Variants in ZGPAT observed in about 807,000 individuals in gnomAD.
ZGPAT encodes zinc finger CCCH-type and G-patch domain containing.
A neutral mutation model predicts 47.9 loss-of-function variants in ZGPAT; 39 were observed. That is an observed-to-expected ratio of 0.81 (90% CI 0.63 to 1.06). The LOEUF (loss-of-function observed/expected upper bound fraction) is 1.06. ZGPAT is among the 50% of genes least tolerant of loss of function. ZGPAT has a pLI of 0.00. For synonymous variants in ZGPAT, 348 were observed against 292.9 expected (o/e 1.19, Z -1.92); for missense variants, 717 against 681.4 (o/e 1.05, Z -0.58).
In ZGPAT at chr20:63,709,261, G is replaced by C. The variant is rs1249726811; in HGVS notation, c.584+97G>C. ...GGCCCTCCCTTTGCTTTGCAGTTTT[G>C]TCTCAGCTTCCTGGGGCAGGCGTGC... On this transcript the variant is annotated intron_variant, in intron 2 of 6. Transcript: ENST00000355969. 7 of 1,383,640 alleles carry C rather than the reference G, an allele frequency of 5.1e-6. No homozygotes were observed. The Admixed American group carries it at 8.6e-5, about 17-fold the overall frequency. 85.7% of individuals were successfully genotyped at this position (1,383,640 alleles called of 1,614,324 possible).
chr20:63,724,070 C>A (rs2091817832), intron 2 of ZGPAT, among the ~76,000 whole-genome samples: 2 of 151,780 alleles, frequency 1.3e-5, no homozygotes. Flanking sequence ...CAGATCTTAT[C>A]TCAGAAGTAA....
intron 2 of ZGPAT, among the ~76,000 whole-genome samples, chr20:63,724,964 G>A (rs541286446): frequency 1.4e-5 from 2 of 147,578 alleles, no homozygotes; most frequent in South Asian, 2.2e-4. Context: ...GAGCCACCAC[G>A]CCCAGCCCAT....
chr20:63,717,421 C>T lies in ZGPAT; in HGVS notation c.584+8257C>T, dbSNP rs1031639103. 2.1e-5 allele frequency among the ~76,000 whole-genome samples: 3 copies of T among 143,220 alleles called. No individual in the cohort carries two copies. The Admixed American group carries it at 2.2e-4, about 11-fold the overall frequency. The allele number at this position is 143,220 out of a possible 152,430, so 94.0% of individuals were successfully genotyped here. A position where few individuals can be genotyped will look rare whatever the true frequency, so the allele number is the denominator to read the frequency against. ...CTGGAGTGCAGTGGCATGATCTCAGCTCACTGCAGCCTCCGCCGCCCAGGC... is the reference window on the plus strand; with the variant it reads ...CTGGAGTGCAGTGGCATGATCTCAGTTCACTGCAGCCTCCGCCGCCCAGGC... On this transcript the variant is annotated intron_variant, in intron 2 of 6. Transcript: ENST00000355969.
chr20:63,729,802 C>T (rs2091878692), intron 2 of ZGPAT, among the ~76,000 whole-genome samples: 2 of 152,136 alleles, frequency 1.3e-5, no homozygotes, highest in African/African-American at 2.4e-5. Flanking sequence ...GGAAGGATTA[C>T]ATGAGCCCAG....
chr20:63,735,506 G>A lies in ZGPAT; in HGVS notation c.1339G>A (p.Glu447Lys), dbSNP rs967802990. 2.0e-6 allele frequency: 3 copies of A among 1,532,328 alleles called. No homozygotes were observed. The highest frequency in any genetic ancestry group is 2.2e-5 in the Admixed American group (1 of 45,202). The allele number at this position is 1,532,328 out of a possible 1,614,324, so 94.9% of individuals were successfully genotyped here. ...LRLFQTEEKI[E>K]RTQRDIRSIQ... ...GCTCTTCCAGACTGAGGAGAAGATC[G>A]AGCGAACCCAGCGGGACATCAGGAG... Residue 447 changes from glutamate to lysine, a missense_variant, in exon 6 of 7, where the codon GAG (glutamate) becomes AAG (lysine). Glu to Lys is a moderately conservative substitution (Grantham distance 56, BLOSUM62 1). Coordinates refer to ENST00000355969, the MANE Select transcript of ZGPAT (RefSeq NM_181485.3).
intron 1 of ZGPAT, 28 bp from the exon 2 acceptor site, chr20:63,708,525 G>A (rs2091601969): frequency 1.3e-6 from 2 of 1,501,262 alleles, no homozygotes; most frequent in South Asian, 2.6e-5. Flanking sequence ...CCCGAGACGC[G>A]GGGCTCAGCT....
At chr20:63,722,643 T>A (rs188689248) in intron 2 of ZGPAT, among the ~76,000 whole-genome samples, 6 of 144,468 alleles carry the variant, frequency 4.2e-5, no homozygotes, top group African/African-American at 1.3e-4. Flanking sequence ...AAGTACAGCA[T>A]TTTTTTTTTT....
intron 2 of ZGPAT, among the ~76,000 whole-genome samples, chr20:63,732,826 G>T (rs1197759888): frequency 6.6e-6 from 1 of 152,024 alleles, no homozygotes; most frequent in Admixed American, 6.6e-5. Flanking sequence ...GTGTACTTGT[G>T]TGTGCCTGTG....
At chr20:63,732,843 CAT>C (rs1491384725) in intron 2 of ZGPAT, among the ~76,000 whole-genome samples, 2 of 150,888 alleles carry the variant, frequency 1.3e-5, no homozygotes, top group Admixed American at 6.6e-5. Context: ...TGTGTGAGTG[CAT>C]GTGTGTGTAC....
At chr20:63,726,526 T>TGTTC (rs1344718161) in intron 2 of ZGPAT, among the ~76,000 whole-genome samples, 43 of 146,980 alleles carry the variant, frequency 2.9e-4, no homozygotes, top group African/African-American at 1.0e-3. Context: ...TTTGTTTGTT[T>TGTTC]GTTTGTTTGT....
At chr20:63,729,977 T>G (rs2091880087) in intron 2 of ZGPAT, 1 of 150,182 alleles carries the variant, frequency 6.7e-6, no homozygotes, top group African/African-American at 2.5e-5. Flanking sequence ...GCTGTGATCC[T>G]ACCATGCACT....
rs748859108 is a variant in ZGPAT, at chr20:63,708,840, C to T, written c.260C>T (p.Thr87Ile). 6.2e-7 allele frequency: 1 copy of T among 1,605,624 alleles called. No individual in the cohort carries two copies. Among genetic ancestry groups the T allele is most frequent in the South Asian group, 1.1e-5 (1 of 90,174 alleles). Reference sequence around the variant, plus strand: ...TACCAGGCTTTCCGGGAGGCCATCACTGAGGCGGTGGAGGCACCAGCAGCG... The same window carrying T: ...TACCAGGCTTTCCGGGAGGCCATCATTGAGGCGGTGGAGGCACCAGCAGCG... ...AEYQAFREAI[T>I]EAVEAPAAAR... The change falls in exon 2 of 7, where the codon ACT becomes ATT. Residue 87 changes from threonine to isoleucine, a missense_variant. Physicochemically the swap from Thr to Ile is moderately conservative, Grantham distance 89. Coordinates refer to ENST00000355969, the MANE Select transcript of ZGPAT (RefSeq NM_181485.3).
intron 2 of ZGPAT, among the ~76,000 whole-genome samples, chr20:63,717,555 A>G (rs6062504): frequency 0.7 from 105,109 of 150,076 alleles, 36,747 homozygotes; most frequent in Middle Eastern, 0.75. Context: ...CTTTCACTGC[A>G]TTCCATAAGA....
intron 2 of ZGPAT, among the ~76,000 whole-genome samples, chr20:63,726,624 G>A (rs910204429): frequency 6.6e-6 from 1 of 152,036 alleles, no homozygotes; most frequent in East Asian, 1.9e-4. Flanking sequence ...CCAGGCTCAA[G>A]CGATTCTTAT....
intron 2 of ZGPAT, among the ~76,000 whole-genome samples, chr20:63,728,804 C>T (rs2091868817): frequency 6.6e-6 from 1 of 152,184 alleles, no homozygotes; most frequent in African/African-American, 2.4e-5. Context: ...TGCAGCCAGC[C>T]TTGACCTGGT....
intron 4 of ZGPAT, chr20:63,734,296 C>G (rs185662469): frequency 1.6e-4 from 46 of 289,936 alleles, no homozygotes; most frequent in African/African-American, 8.5e-4. Flanking sequence ...TGGAGGTGTA[C>G]CCAGGGATCA....
At chr20:63,716,015 T>C (rs185897759) in intron 2 of ZGPAT, among the ~76,000 whole-genome samples, 2 of 152,330 alleles carry the variant, frequency 1.3e-5, no homozygotes, top group East Asian at 1.9e-4. Flanking sequence ...TTATTTGTTA[T>C]AGGTCTATTC....
chr20:63,708,101 G>T lies in ZGPAT; in HGVS notation c.-46G>T, dbSNP rs1461545541. ...TCGGCTGCTGGGGCGAAAAGGGGGC[G>T]CCGGGCCGCTCTAGCCGGTGAGGCC... On this transcript the variant is annotated 5_prime_UTR_variant, in exon 1 of 7. Coordinates refer to ENST00000355969, the MANE Select transcript of ZGPAT (RefSeq NM_181485.3). 1.3e-5 allele frequency: 2 copies of T among 152,142 alleles called. No homozygotes were observed. Among genetic ancestry groups the T allele is most frequent in the East Asian group, 1.9e-4 (1 of 5,188 alleles). The allele number at this position is 152,142 out of a possible 1,614,324, so 9.4% of individuals were successfully genotyped here.
Position 63,732,776 on chromosome 20 carries a change from G to A in ZGPAT, c.585-443G>A, listed in dbSNP as rs575763280. ...TATGCCTGTGTACGTATGTATATGCGTGTGTGTATGCATGTGAGTGCATGT... is the reference window on the plus strand; with the variant it reads ...TATGCCTGTGTACGTATGTATATGCATGTGTGTATGCATGTGAGTGCATGT... On this transcript the variant is annotated intron_variant, in intron 2 of 6. Transcript: ENST00000355969. 1.6e-3 allele frequency among the ~76,000 whole-genome samples: 236 copies of A among 145,830 alleles called. 1 individual carries two copies. The highest frequency in any genetic ancestry group is 5.6e-3 in the African/African-American group (212 of 38,068).
Sources: allele counts gnomAD v4.1 joint callset (sites outside exome capture counted in the v4.1 genomes callset), GRCh38; gene constraint gnomAD v4.1.1; transcripts MANE v1.5; gene names NCBI Gene and HGNC (gene_info 2026-07-23, HGNC 2026-07-21).